Variants in XKR9 observed in about 807,000 individuals in gnomAD.
XKR9 encodes the protein XK-related protein 9.
In XKR9, 32 loss-of-function variants were observed where a neutral mutation model predicts 32.0. That is an observed-to-expected ratio of 1.00 (90% CI 0.76 to 1.34). The LOEUF is 1.34. Among genes scored for constraint, XKR9 ranks in the 40% most tolerant of loss-of-function variants. The pLI, the probability that XKR9 is intolerant of heterozygous loss-of-function variation, is 0.00. For missense variants in XKR9, 546 were observed against 429.7 expected (o/e 1.27, Z -2.39); for synonymous variants, 168 against 143.4 (o/e 1.17, Z -1.22).
At chr8:70,956,614 GA>G in the XKR9 span, among the ~76,000 whole-genome samples, 1 of 152,108 alleles carries the variant, frequency 6.6e-6, no homozygotes, top group Non-Finnish European at 1.5e-5. Flanking sequence ...TCCATTTCAA[GA>G]GGTGCCTGCA....
At chr8:70,794,823 TTGTG>T (rs56167343), downstream of XKR9, among the ~76,000 whole-genome samples, 256 of 147,690 alleles carry the variant, frequency 1.7e-3, 3 homozygotes, top group Admixed American at 5.6e-3. Context: ...TAGTCTTCTT[TTGTG>T]TGTGTGTGTG....
At chr8:70,704,217 A>G (rs549102864) in intron 3 of XKR9, among the ~76,000 whole-genome samples, 13 of 151,872 alleles carry the variant, frequency 8.6e-5, no homozygotes, top group Non-Finnish European at 1.6e-4. Context: ...AAACAATAAA[A>G]TAAATAAATA....
chr8:70,711,655 C>T (rs1805924124), intron 4 of XKR9, among the ~76,000 whole-genome samples: 1 of 146,376 alleles, frequency 6.8e-6, no homozygotes, highest in Admixed American at 6.9e-5. Flanking sequence ...GGGTGAGGAT[C>T]AAAAAACTAT....
the XKR9 span, among the ~76,000 whole-genome samples, chr8:70,858,728 C>G: frequency 6.6e-6 from 1 of 151,908 alleles, no homozygotes; most frequent in African/African-American, 2.4e-5. Flanking sequence ...TGATTTTTGA[C>G]AAAGGTATCA....
the XKR9 span, among the ~76,000 whole-genome samples, chr8:70,892,210 G>A: frequency 3.8e-4 from 58 of 152,148 alleles, 1 homozygote; most frequent in East Asian, 2.9e-3. Context: ...CATTTAGCCA[G>A]TGTGCATCTT....
chr8:71,025,146 G>A, the XKR9 span, among the ~76,000 whole-genome samples: 1 of 152,152 alleles, frequency 6.6e-6, no homozygotes, highest in Non-Finnish European at 1.5e-5. Context: ...AAGTGGCATA[G>A]CTGCCGTATG....
At chr8:70,766,230 C>A (rs576486895) in intron 2 of XKR9, among the ~76,000 whole-genome samples, 18 of 152,186 alleles carry the variant, frequency 1.2e-4, no homozygotes, top group Non-Finnish European at 2.4e-4. Flanking sequence ...ATTCTTTCTA[C>A]CCATGAATAT....
chr8:70,694,652 G>A (rs181156235), intron 3 of XKR9, among the ~76,000 whole-genome samples: 6 of 152,308 alleles, frequency 3.9e-5, no homozygotes, highest in Admixed American at 2.0e-4. Flanking sequence ...ATGGCAGCCC[G>A]CCCCTCCTCC....
At chr8:70,939,619 G>A in the XKR9 span, among the ~76,000 whole-genome samples, 1 of 151,934 alleles carries the variant, frequency 6.6e-6, no homozygotes, top group Non-Finnish European at 1.5e-5. Context: ...TTGTCAAAGG[G>A]TTTACAAATA....
the XKR9 span, among the ~76,000 whole-genome samples, chr8:70,903,251 C>T: frequency 8.5e-5 from 13 of 152,116 alleles, no homozygotes; most frequent in African/African-American, 2.9e-4. Flanking sequence ...TAGAATTCGG[C>T]TGTGAATCCG....
chr8:71,059,219 A>T, the XKR9 span, among the ~76,000 whole-genome samples: 1 of 152,272 alleles, frequency 6.6e-6, no homozygotes, highest in South Asian at 2.1e-4. Flanking sequence ...TGTTGACAGA[A>T]GCTGCCCTCT....
the XKR9 span, among the ~76,000 whole-genome samples, chr8:70,872,141 T>C: frequency 6.6e-6 from 1 of 152,234 alleles, no homozygotes; most frequent in Non-Finnish European, 1.5e-5. Context: ...ACTGGAACTT[T>C]CCATAATTTC....
At chr8:70,970,906 A>C in the XKR9 span, among the ~76,000 whole-genome samples, 1 of 152,212 alleles carries the variant, frequency 6.6e-6, no homozygotes, top group Non-Finnish European at 1.5e-5. Flanking sequence ...CGATTCCTTA[A>C]AGATCTAGAA....
the XKR9 span, among the ~76,000 whole-genome samples, chr8:70,903,195 G>A: frequency 1.3e-5 from 2 of 152,116 alleles, no homozygotes; most frequent in Admixed American, 6.5e-5. Flanking sequence ...CTACTGATTG[G>A]TGTAGTTTCA....
chr8:70,789,655 A>C (rs1807737666), intron 3 of XKR9, among the ~76,000 whole-genome samples: 1 of 152,130 alleles, frequency 6.6e-6, no homozygotes, highest in Non-Finnish European at 1.5e-5. Context: ...CATTATATAG[A>C]AATCTCAGAC....
At chr8:70,915,946 A>G in the XKR9 span, among the ~76,000 whole-genome samples, 4 of 152,172 alleles carry the variant, frequency 2.6e-5, no homozygotes, top group East Asian at 1.9e-4. Flanking sequence ...GCTAACATCT[A>G]TTCTTTCAGA....
chr8:70,888,297 C>CT, the XKR9 span, among the ~76,000 whole-genome samples: 612 of 146,178 alleles, frequency 4.2e-3, 3 homozygotes, highest in African/African-American at 0.013. Context: ...AGATTATTTG[C>CT]TTTTTTTTTT....
At chr8:71,043,030 G>A in the XKR9 span, among the ~76,000 whole-genome samples, 2 of 152,186 alleles carry the variant, frequency 1.3e-5, no homozygotes, top group African/African-American at 4.8e-5. Flanking sequence ...CTTCAGAGCA[G>A]CTGTTTAGAG....
chr8:70,723,436 G>A (rs543261025), intron 4 of XKR9, among the ~76,000 whole-genome samples: 3 of 152,266 alleles, frequency 2.0e-5, no homozygotes, highest in Admixed American at 1.3e-4. Context: ...CCTCATCTTC[G>A]TGGATTTATC....
Sources: allele counts gnomAD v4.1 joint callset (sites outside exome capture counted in the v4.1 genomes callset), GRCh38; gene constraint gnomAD v4.1.1; transcripts MANE v1.5; gene names NCBI Gene and HGNC (gene_info 2026-07-23, HGNC 2026-07-21).